The following TOP1MT variants were observed in gnomAD, a reference collection of about 807,000 sequenced individuals.
The protein encoded by TOP1MT is DNA topoisomerase I, mitochondrial.
Under a neutral mutation model 73.9 loss-of-function variants are expected in TOP1MT, and 80 were observed. The observed-to-expected ratio is 1.08, with a 90% CI of 0.90 to 1.30. The LOEUF (loss-of-function observed/expected upper bound fraction) is 1.30, where lower values mean the gene tolerates loss of function less well. Ranked by LOEUF, TOP1MT falls within the 50% of genes most tolerant of loss-of-function variation. TOP1MT has a pLI of 0.00. For missense variants in TOP1MT, 815 were observed against 808.0 expected, an observed-to-expected ratio of 1.01 and a Z score of -0.10; for synonymous variants, 338 against 326.4, an observed-to-expected ratio of 1.04 and a Z score of -0.38.
intron 6 of TOP1MT, 117 bp from the exon 7 acceptor site, chr8:143,324,259 A>G: frequency 6.9e-7 from 1 of 1,459,720 alleles, no homozygotes; most frequent in Non-Finnish European, 9.4e-7. Context: ...TGCCGTGGTC[A>G]GGGGCTGGGG....
At chr8:143,347,856 G>C (rs901990047), upstream of TOP1MT, among the ~76,000 whole-genome samples, 1 of 152,212 alleles carries the variant, frequency 6.6e-6, no homozygotes, top group Non-Finnish European at 1.5e-5. Flanking sequence ...GCCAGGCCTC[G>C]AAGCTCAGGC....
chr8:143,324,268 G>A (rs1816642892), intron 6 of TOP1MT, 126 bp from the exon 7 acceptor site: 1 of 1,426,930 alleles, frequency 7.0e-7, no homozygotes, highest in African/African-American at 1.4e-5. Context: ...CAGGGGCTGG[G>A]GCAGCAAATC....
rs145638907 is a variant in TOP1MT at position 143,316,003 on chromosome 8, G to A, written c.1454C>T (p.Thr485Met). The part of the protein sequence containing the change: ...TFEKSMQNLQ[T>M]KIQAKKEQVA... Reference sequence around the variant, plus strand: ...GGCTCTCCTGGGAGCTGCTACCTTCGTCTGGAGATTCTGCATCGACTTCTC... The same window carrying A: ...GGCTCTCCTGGGAGCTGCTACCTTCATCTGGAGATTCTGCATCGACTTCTC... Residue 485 changes from threonine (T) to methionine (M), a missense_variant, in exon 11 of 14, where the codon ACG (threonine) becomes ATG (methionine). Physicochemically the swap from Thr to Met is moderately conservative, Grantham distance 81 (BLOSUM62 -1). Coordinates refer to ENST00000329245, the MANE Select transcript of TOP1MT (RefSeq NM_052963.3). 1.5e-5 allele frequency: 25 copies of A among 1,614,056 alleles called. No homozygotes were observed. Among genetic ancestry groups the A allele is most frequent in the African/African-American group, 1.2e-4 (9 of 74,938 alleles).
At chr8:143,342,242 TTA>T (rs1439145568) in intron 2 of TOP1MT, among the ~76,000 whole-genome samples, 2 of 140,194 alleles carry the variant, frequency 1.4e-5, no homozygotes, top group Non-Finnish European at 3.0e-5. Context: ...ATTATTATTA[TTA>T]GAGACAGAGT....
chr8:143,326,785 C>T (rs1816719281), intron 3 of TOP1MT, among the ~76,000 whole-genome samples: 1 of 152,196 alleles, frequency 6.6e-6, no homozygotes, highest in Non-Finnish European at 1.5e-5. Flanking sequence ...GTGAACGTGA[C>T]GGGATTCGCG....
chr8:143,312,054 C>CA (rs1203501493), intron 12 of TOP1MT, among the ~76,000 whole-genome samples: 10 of 152,158 alleles, frequency 6.6e-5, no homozygotes, highest in African/African-American at 9.7e-5. Context: ...CCTAGCCAGG[C>CA]AGTGCAGTGC....
chr8:143,322,034 TACAGATGCATGCCACAC>T (rs1816430223), intron 7 of TOP1MT, among the ~76,000 whole-genome samples: 1 of 37,558 alleles, frequency 2.7e-5, no homozygotes, highest in Non-Finnish European at 5.1e-5. Flanking sequence ...AGGCACGCCA[TACAGATGCATGCCACAC>T]ACACAGGCAC....
chr8:143,334,936 GCCCCGCCCCCGAGCGCGGC>G (rs1816956729), upstream of TOP1MT: 4 of 1,239,246 alleles, frequency 3.2e-6, no homozygotes, highest in South Asian at 6.5e-5. Context: ...CCAGCGGCCA[GCCCCGCCCCCGAGCGCGGC>G]CTCCGCCCCC....
upstream of TOP1MT, among the ~76,000 whole-genome samples, chr8:143,335,161 C>G (rs1279439455): frequency 2.6e-5 from 4 of 152,360 alleles, no homozygotes; most frequent in East Asian, 7.7e-4. Context: ...GGATGCCCCA[C>G]AGGTCACACG....
intron 1 of TOP1MT, among the ~76,000 whole-genome samples, chr8:143,334,531 G>T (rs1418669521): frequency 6.6e-6 from 1 of 152,250 alleles, no homozygotes; most frequent in Non-Finnish European, 1.5e-5. Context: ...GTGGTGCCTG[G>T]GGAAGCAAGG....
chr8:143,321,416 G>A, intron 7 of TOP1MT, 30 bp from the exon 8 acceptor site: 1 of 1,546,242 alleles, frequency 6.5e-7, no homozygotes. Context: ...CAAAGTGGGT[G>A]GTGCGTGCAC....
intron 3 of TOP1MT, among the ~76,000 whole-genome samples, 198 bp downstream of exon 3, chr8:143,329,152 A>G (rs1037059041): frequency 1.3e-5 from 2 of 152,136 alleles, no homozygotes; most frequent in East Asian, 3.9e-4. Flanking sequence ...CTATGGTCCC[A>G]GCTACTCAGG....
chr8:143,351,154 G>A (rs1221319160), intron 1 of TOP1MT, among the ~76,000 whole-genome samples: 1 of 152,122 alleles, frequency 6.6e-6, no homozygotes, highest in Non-Finnish European at 1.5e-5. Context: ...TCTGCTTCTT[G>A]GCTGTACATC....
chr8:143,324,362 C>T (rs1427388289), intron 6 of TOP1MT, 123 bp downstream of exon 6: 35 of 1,464,060 alleles, frequency 2.4e-5, no homozygotes, highest in East Asian at 9.5e-5. Flanking sequence ...GACCTCAGCA[C>T]GGGCTGGCCG....
In TOP1MT at chr8:143,322,734, A is replaced by G. The variant is rs111161571; in HGVS notation, c.960+1265T>C. On this transcript the variant is annotated intron_variant, in intron 7 of 13. Coordinates refer to ENST00000329245, the MANE Select transcript of TOP1MT (RefSeq NM_052963.3). ...CGCACGCCACACACAGGCACGCCAC[A>G]CACGCCACACACGCACGCACGCCAC... Among the ~76,000 whole-genome samples, 70 of 12,212 alleles carry G rather than the reference A, an allele frequency of 5.7e-3. 3 individuals carry two copies. Among genetic ancestry groups the G allele is most frequent in the Non-Finnish European group, 7.2e-3 (56 of 7,772 alleles). The allele number at this position is 12,212 out of a possible 152,430, so 8.0% of individuals were successfully genotyped here.
chr8:143,342,841 G>A lies in TOP1MT; in HGVS notation c.29+379C>T, dbSNP rs182687221. On this transcript the variant is annotated intron_variant, in intron 2 of 5. Coordinates refer to the TOP1MT transcript ENST00000518007. ...GCTCTGTCACCCAGGCTGGAGTGCAGTGGCGTGATCTCGGCTCACTGCAAC... is the reference window on the plus strand; with the variant it reads ...GCTCTGTCACCCAGGCTGGAGTGCAATGGCGTGATCTCGGCTCACTGCAAC... Among the ~76,000 whole-genome samples the A allele has an allele frequency of 4.1e-3, 593 of 144,096 alleles. 4 individuals are homozygous for A. Among genetic ancestry groups the A allele is most frequent in the Middle Eastern group, 0.029 (8 of 278 alleles). The allele number at this position is 144,096 out of a possible 152,430, so 94.5% of individuals were successfully genotyped here.
chr8:143,321,579 GGCACGCCACACGCAC>G (rs747066219), intron 7 of TOP1MT, among the ~76,000 whole-genome samples, 193 bp from the exon 8 acceptor site: 12,178 of 35,650 alleles, frequency 0.34, 2,273 homozygotes, highest in African/African-American at 0.57. Flanking sequence ...ACGCCACACA[GGCACGCCACACGCAC>G]GCACGCCACA....
At chr8:143,340,414 C>T (rs1197656736) in intron 2 of TOP1MT, among the ~76,000 whole-genome samples, 1 of 152,078 alleles carries the variant, frequency 6.6e-6, no homozygotes, top group African/African-American at 2.4e-5. Flanking sequence ...CCACCTGCTG[C>T]CTTCGGCCTT....
rs900823854 is a variant in TOP1MT, at chr8:143,329,491, C to T, written c.239-20G>A. ...GCCTTCCTGCAGGCATCGGAAGACACATCGTATGAGAGAGCGGCCAGAGGC... is the reference window on the plus strand; with the variant it reads ...GCCTTCCTGCAGGCATCGGAAGACATATCGTATGAGAGAGCGGCCAGAGGC... On this transcript the variant is annotated intron_variant, in intron 2 of 13. Coordinates refer to ENST00000329245, the MANE Select transcript of TOP1MT (RefSeq NM_052963.3). The T allele has an allele frequency of 6.2e-7, 1 of 1,604,082 alleles. No individual in the cohort carries two copies. The highest frequency in any genetic ancestry group is 8.5e-7 in the Non-Finnish European group (1 of 1,177,462).
Sources: gnomAD v4.1 joint callset for allele counts (sites outside exome capture counted in the v4.1 genomes callset) on GRCh38, gnomAD v4.1.1 for gene constraint, MANE v1.5 for transcripts, NCBI Gene and HGNC (gene_info 2026-07-23, HGNC 2026-07-21) for gene names.